Variants in PRTG observed in about 807,000 individuals in gnomAD.
The protein encoded by PRTG is immunoglobulin superfamily, DCC subclass, member 5.
In PRTG, 67 loss-of-function variants were observed where a neutral mutation model predicts 122.5. The ratio of observed to expected loss-of-function variants is 0.55; its 90% CI spans 0.45 to 0.67. PRTG has a LOEUF of 0.67. PRTG is among the 30% of genes least tolerant of loss of function. The pLI is 0.00. For missense variants in PRTG, 1,435 were observed against 1,415.4 expected, an observed-to-expected ratio of 1.01 and a Z score of -0.22; for synonymous variants, 554 against 501.1, an observed-to-expected ratio of 1.11 and a Z score of -1.41.
intron 18 of PRTG, 103 bp from the exon 19 acceptor site, chr15:55,620,870 CCCTTTT>C: frequency 1.0e-6 from 1 of 967,806 alleles, no homozygotes; most frequent in Non-Finnish European, 1.5e-6. Context: ...CTTCACATTT[CCCTTTT>C]CATTTTTATT....
At chr15:55,683,201 A>G (rs1406202714) in intron 3 of PRTG, among the ~76,000 whole-genome samples, 1 of 151,816 alleles carries the variant, frequency 6.6e-6, no homozygotes, top group East Asian at 1.9e-4. Context: ...TTTTTTAAAT[A>G]AAGCACTTCC....
In PRTG at chr15:55,639,808, G is replaced by C; in HGVS notation, c.2158C>G (p.Pro720Ala). The change falls in exon 13 of 20, where the codon CCT becomes GCT. Residue 720 changes from proline to alanine, a missense_variant. Physicochemically the swap from Pro to Ala is conservative, Grantham distance 27. Coordinates refer to ENST00000389286, the MANE Select transcript of PRTG (RefSeq NM_173814.6). ...AGATGGTGGGGTGGTGGTGGAGGAG[G>C]GACCATGCGATCACGAACAGCTATT... ...GCVSVRDRMV[P>A]PPPPPHHLYA... The C allele has an allele frequency of 6.2e-7, 1 of 1,614,016 alleles. No homozygotes were observed. The highest frequency in any genetic ancestry group is 8.5e-7 in the Non-Finnish European group (1 of 1,179,986).
chr15:55,664,741 C>T (rs1372606991), intron 11 of PRTG, among the ~76,000 whole-genome samples: 19 of 151,836 alleles, frequency 1.3e-4, no homozygotes, highest in Admixed American at 1.2e-3. Flanking sequence ...CATGTACCAC[C>T]ATGCCCAGCT....
rs571756099 is a variant in PRTG at position 55,628,953 on chromosome 15, A to C, written c.2675T>G (p.Ile892Ser). 1 of 1,613,676 alleles carries C rather than the reference A, an allele frequency of 6.2e-7. No homozygotes were observed. Among genetic ancestry groups the C allele is most frequent in the Non-Finnish European group, 8.5e-7 (1 of 1,179,706 alleles). The change falls in exon 16 of 20, where the codon ATT (isoleucine) becomes AGT (serine). Residue 892 changes from isoleucine (I) to serine (S), a missense_variant. Transcript: ENST00000389286. ...CTCATTGGATGCAGATATCTTGACA[A>C]TGTACACATTTCCTGCTACCAAGTT... ...LENLVAGNVY[I>S]VKISASNEVG...
At chr15:55,665,499 T>C (rs935609143) in intron 11 of PRTG, among the ~76,000 whole-genome samples, 3 of 122,594 alleles carry the variant, frequency 2.4e-5, no homozygotes, top group African/African-American at 7.7e-5. Flanking sequence ...GCTAAAAAGG[T>C]TTTTTTTGTT....
intron 2 of PRTG, among the ~76,000 whole-genome samples, chr15:55,704,918 C>T (rs2030040863): frequency 6.6e-6 from 1 of 152,096 alleles, no homozygotes; most frequent in Non-Finnish European, 1.5e-5. Flanking sequence ...ACTACTTGTT[C>T]ACAACATAAT....
chr15:55,622,524 C>T (rs1186547811), intron 18 of PRTG, among the ~76,000 whole-genome samples: 2 of 150,732 alleles, frequency 1.3e-5, no homozygotes, highest in Non-Finnish European at 2.9e-5. Flanking sequence ...GCTGGGACTA[C>T]AGGCGCCTAC....
intron 14 of PRTG, among the ~76,000 whole-genome samples, chr15:55,637,866 T>G (rs1453135449): frequency 1.3e-5 from 2 of 152,198 alleles, no homozygotes; most frequent in Non-Finnish European, 2.9e-5. Context: ...GGAATTTAAG[T>G]TGACTCCATG....
chr15:55,627,267 G>A lies in PRTG; in HGVS notation c.2807-139C>T, dbSNP rs2059199990. 3 of 464,768 alleles carry A rather than the reference G, an allele frequency of 6.5e-6. No homozygotes were observed. The Admixed American group carries it at 1.2e-4, about 18-fold the overall frequency. The allele number at this position is 464,768 out of a possible 1,614,324, so 28.8% of individuals were successfully genotyped here. On this transcript the variant is annotated intron_variant, in intron 16 of 19. Coordinates refer to ENST00000389286, the MANE Select transcript of PRTG (RefSeq NM_173814.6). ...GACATTGTCAACATCAAAGCAGAAA[G>A]GACACACAGTAATCTTTAATCAGTG...
chr15:55,655,589 A>C (rs2141760945), intron 11 of PRTG: 1 of 152,330 alleles, frequency 6.6e-6, no homozygotes, highest in South Asian at 2.1e-4. Flanking sequence ...TAGTTCCTCA[A>C]GTGGGCTTTG....
intron 3 of PRTG, among the ~76,000 whole-genome samples, chr15:55,683,353 G>A (rs2059551917): frequency 6.6e-6 from 1 of 152,048 alleles, no homozygotes; most frequent in South Asian, 2.1e-4. Context: ...CACTAGATGT[G>A]TGCATGTGTG....
chr15:55,676,833 C>G (rs750936265), intron 8 of PRTG, among the ~76,000 whole-genome samples: 1 of 152,182 alleles, frequency 6.6e-6, no homozygotes, highest in African/African-American at 2.4e-5. Context: ...CTCCAGCATG[C>G]TCAGTTATCA....
intron 2 of PRTG, among the ~76,000 whole-genome samples, chr15:55,688,875 G>A (rs1040134059): frequency 6.6e-6 from 1 of 152,078 alleles, no homozygotes; most frequent in Admixed American, 6.6e-5. Flanking sequence ...CAAAGTCATC[G>A]TGTCCAAAAT....
At chr15:55,702,276 A>G (rs1328856597) in intron 2 of PRTG, among the ~76,000 whole-genome samples, 8 of 152,216 alleles carry the variant, frequency 5.3e-5, no homozygotes, top group Non-Finnish European at 1.5e-5. Context: ...TTTCCCAAGT[A>G]GAACTAGAGA....
In PRTG at chr15:55,740,524, G is replaced by C. The variant is rs1363825138; in HGVS notation, c.255C>G (p.Ile85Met). Residue 85 changes from isoleucine (I) to methionine (M), a missense_variant, in exon 2 of 20, where the codon ATC becomes ATG. Ile to Met is a conservative substitution (Grantham distance 10). Transcript: ENST00000389286. Reference sequence around the variant, plus strand: ...ATAAAGAGCCGTTAGAAAGAACCTCGATCCGTTTATTTTCAGACATTTTTG... The same window carrying C: ...ATAAAGAGCCGTTAGAAAGAACCTCCATCCGTTTATTTTCAGACATTTTTG... ...NGAKMSENKRIEVLSNGSLYI... is the reference protein window; with the variant it reads ...NGAKMSENKRMEVLSNGSLYI... 2 of 1,613,788 alleles carry C rather than the reference G, an allele frequency of 1.2e-6. No individual in the cohort carries two copies. The highest frequency in any genetic ancestry group is 2.7e-5 in the African/African-American group (2 of 74,874).
chr15:55,678,712 A>T (rs1377658543), intron 7 of PRTG, among the ~76,000 whole-genome samples: 4 of 152,158 alleles, frequency 2.6e-5, no homozygotes, highest in South Asian at 2.1e-4. Context: ...GTAACAACTT[A>T]TTTTTTTAAA....
At chr15:55,624,562 A>G in intron 17 of PRTG, 55 bp from the exon 18 acceptor site, 2 of 1,495,396 alleles carry the variant, frequency 1.3e-6, no homozygotes, top group South Asian at 2.6e-5. Context: ...ATGCAGGCAA[A>G]TGAACCACCT....
intron 11 of PRTG, among the ~76,000 whole-genome samples, chr15:55,643,070 C>T (rs1332990685): frequency 6.6e-6 from 1 of 151,742 alleles, no homozygotes; most frequent in Non-Finnish European, 1.5e-5. Flanking sequence ...AATGCCCCAT[C>T]TCTCAAATAA....
chr15:55,682,551 T>TATTTATTTATTC (rs1218593362), intron 3 of PRTG, 54 bp from the exon 4 acceptor site: 1 of 420,958 alleles, frequency 2.4e-6, no homozygotes, highest in Admixed American at 5.8e-5. Context: ...ATATTTTATT[T>TATTTATTTATTC]ATTTATTTAT....
Sources: allele counts gnomAD v4.1 joint callset (sites outside exome capture counted in the v4.1 genomes callset), GRCh38; gene constraint gnomAD v4.1.1; transcripts MANE v1.5; gene names NCBI Gene and HGNC (gene_info 2026-07-23, HGNC 2026-07-21).